DNAH17: variants seen among roughly 807,000 people sequenced by gnomAD.
DNAH17 encodes dynein axonemal heavy chain 17.
Under a neutral mutation model 485.6 loss-of-function variants are expected in DNAH17, and 376 were observed. The ratio of observed to expected loss-of-function variants is 0.77; its 90% confidence interval spans 0.71 to 0.84. The LOEUF (loss-of-function observed/expected upper bound fraction) is 0.84. Ranked by LOEUF, DNAH17 falls within the 40% of genes least tolerant of loss-of-function variation. The pLI is 0.00. For missense variants in DNAH17, 6,370 were observed against 5,839.3 expected (o/e 1.09, Z -2.96); for synonymous variants, 3,031 against 2,405.9 (o/e 1.26, Z -7.60).
At chr17:78,564,598 CA>C (rs1167039628) in intron 11 of DNAH17, among the ~76,000 whole-genome samples, 1 of 152,096 alleles carries the variant, frequency 6.6e-6, no homozygotes, top group Non-Finnish European at 1.5e-5. Context: ...TGTTATCCTT[CA>C]GGGGCTCCAC....
At chr17:78,559,380 G>A (rs190743507) in intron 13 of DNAH17, among the ~76,000 whole-genome samples, 37 of 152,294 alleles carry the variant, frequency 2.4e-4, no homozygotes, top group Admixed American at 7.8e-4. Context: ...CTTGGCCAAT[G>A]GCAATTCTAC....
At chr17:78,482,061 C>T (rs1568125967) in intron 48 of DNAH17, among the ~76,000 whole-genome samples, 1 of 144,126 alleles carries the variant, frequency 6.9e-6, no homozygotes, top group Non-Finnish European at 1.5e-5. Context: ...TGTCACACTA[C>T]ACTAGTTACT....
chr17:78,429,382 G>A, intron 75 of DNAH17, 82 bp from the exon 76 acceptor site: 3 of 1,468,750 alleles, frequency 2.0e-6, no homozygotes, highest in Non-Finnish European at 2.8e-6. Context: ...AGGCAGGCAG[G>A]GCGTGGGAAC....
rs1050657423 is a variant in DNAH17, at chr17:78,466,934, G to C, written c.8779-118C>G. 6 of 1,123,740 alleles carry C rather than the reference G, an allele frequency of 5.3e-6. No individual in the cohort carries two copies. The African/African-American group carries it at 8.1e-5, about 15-fold the overall frequency. 69.6% of individuals were successfully genotyped at this position (1,123,740 alleles called of 1,614,324 possible). A position where few individuals can be genotyped will look rare whatever the true frequency, so the allele number is the denominator to read the frequency against. On this transcript the variant is annotated intron_variant, in intron 55 of 80. Coordinates refer to ENST00000389840, the MANE Select transcript of DNAH17 (RefSeq NM_173628.4). ...GCGCCCTGCCGGGCTCAGCCGCCCA[G>C]GGCCTGGGCAGCACAGTCCTGGTTC...
chr17:78,528,068 C>T lies in DNAH17; in HGVS notation c.3508-1072G>A, dbSNP rs116213872. Among the ~76,000 whole-genome samples, 977 of 152,088 alleles carry T rather than the reference C, an allele frequency of 6.4e-3. 10 individuals are homozygous for T. Among genetic ancestry groups the T allele is most frequent in the African/African-American group, 0.023 (937 of 41,456 alleles). ...TGCTGAAATTACAGGCATGAGCCACCACACCGGGCCATAAAATATTTTAAA... is the reference window on the plus strand; with the variant it reads ...TGCTGAAATTACAGGCATGAGCCACTACACCGGGCCATAAAATATTTTAAA... On this transcript the variant is annotated intron_variant, in intron 22 of 80. Transcript: ENST00000389840.
At chr17:78,567,273 T>TC (rs1479265678) in intron 9 of DNAH17, 107 bp from the exon 10 acceptor site, 1 of 1,209,838 alleles carries the variant, frequency 8.3e-7, no homozygotes, top group African/African-American at 1.5e-5. Context: ...GAGCAAAATG[T>TC]CCCCAGGAGA....
Position 78,560,681 on chromosome 17 carries a change from G to A in DNAH17, c.2031+59C>T, listed in dbSNP as rs2092133602. 4 of 1,480,240 alleles carry A rather than the reference G, an allele frequency of 2.7e-6. No homozygotes were observed. The Admixed American group carries it at 6.6e-5, about 24-fold the overall frequency. The allele number at this position is 1,480,240 out of a possible 1,614,324, so 91.7% of individuals were successfully genotyped here. ...ATAAATCCGTGCTGAGGGAACCTTG[G>A]CAGGCCCTCCCCCCGCTCCCAAGGA... is the stretch of plus-strand genomic sequence containing the variant. On this transcript the variant is annotated intron_variant, in intron 13 of 80. Coordinates refer to ENST00000389840, the MANE Select transcript of DNAH17 (RefSeq NM_173628.4).
intron 13 of DNAH17, 150 bp from the exon 14 acceptor site, chr17:78,558,404 C>T (rs528808511): frequency 2.0e-6 from 2 of 988,450 alleles, no homozygotes; most frequent in Non-Finnish European, 1.5e-6. Flanking sequence ...TTGGCAGGAC[C>T]AGGACGTTTT....
rs775863298 is a variant in DNAH17 at position 78,486,480 on chromosome 17, C to T, written c.6845G>A (p.Arg2282His). ...NPVVSSWIER[R>H]KVQSEKANLM... Reference sequence around the variant, plus strand: ...GTTGGCCTTCTCCGACTGCACCTTGCGCCTCTCGATCCAGCTGCTCACCAC... The same window carrying T: ...GTTGGCCTTCTCCGACTGCACCTTGTGCCTCTCGATCCAGCTGCTCACCAC... The change falls in exon 45 of 81, where the codon CGC (arginine) becomes CAC (histidine). Residue 2282 changes from arginine to histidine, a missense_variant. Physicochemically the swap from Arg to His is conservative, Grantham distance 29. Transcript: ENST00000389840. 24 of 1,610,968 alleles carry T rather than the reference C, an allele frequency of 1.5e-5. No individual in the cohort carries two copies. Among genetic ancestry groups the T allele is most frequent in the Admixed American group, 5.0e-5 (3 of 59,926 alleles).
Position 78,485,662 on chromosome 17 carries a change from C to G in DNAH17, c.7371G>C (p.Ala2457=), listed in dbSNP as rs368302362. 4.3e-6 allele frequency: 7 copies of G among 1,613,874 alleles called. No homozygotes were observed. The African/African-American group carries it at 5.3e-5, about 12-fold the overall frequency. The part of the protein sequence containing the change: ...KSWPVMLVGN[A]GTGKSVLMGD... The stretch of plus-strand genomic sequence containing the variant: ...CCATCAGCACCGACTTGCCCGTCCC[C>G]GCGTTCCCCACCAGCATCACCGGCC... The change falls in exon 47 of 81, where the codon GCG becomes GCC. Residue 2457 remains alanine, a synonymous_variant. Transcript: ENST00000389840.
In DNAH17 at chr17:78,499,005, T is replaced by C. The variant is rs778367610; in HGVS notation, c.5745+3A>G. 17 of 1,605,496 alleles carry C rather than the reference T, an allele frequency of 1.1e-5. No individual in the cohort carries two copies. Among genetic ancestry groups the C allele is most frequent in the Non-Finnish European group, 1.4e-5 (16 of 1,176,142 alleles). On this transcript the variant is annotated splice_donor_region_variant and intron_variant, in intron 37 of 80. Coordinates refer to ENST00000389840, the MANE Select transcript of DNAH17 (RefSeq NM_173628.4). ...CCCCGAGGCCGCAGGCAGGGGACTT[T>C]ACCTGCACGGCAATCACAGACAAGA...
intron 38 of DNAH17, 134 bp from the exon 39 acceptor site, chr17:78,495,231 C>G (rs2090026175): frequency 8.3e-7 from 1 of 1,200,172 alleles, no homozygotes; most frequent in Non-Finnish European, 1.1e-6. Flanking sequence ...ACCTTCGGTC[C>G]TGGAGCCGGG....
rs777610892 is a variant in DNAH17, at chr17:78,529,473, T to TG, written c.3505dup (p.Gln1169ProfsTer45). ...CAGCCACACCCACCCACCACGTACC[T>TG]GCAGCTTCAAGTGGATCTCCTCTGG... On this transcript the variant is annotated frameshift_variant and splice_region_variant, in exon 22 of 81. Transcript: ENST00000389840. LOFTEE classifies it high-confidence loss of function. 69 of 1,613,702 alleles carry TG rather than the reference T, an allele frequency of 4.3e-5. No individual in the cohort carries two copies. The highest frequency in any genetic ancestry group is 5.8e-5 in the Non-Finnish European group (68 of 1,179,792).
In DNAH17 at chr17:78,459,834, C is replaced by T; in HGVS notation, c.9603G>A (p.Leu3201=). ...GGATGTGCTCCTTGTCGAACTTCTT[C>T]AGGGAGTCTAGGAAGGTGTCCACCT... ...MGKVDTFLDS[L]KKFDKEHIPE... The change falls in exon 60 of 81, where the codon CTG becomes CTA. Residue 3201 remains leucine (L), a synonymous_variant. Coordinates refer to ENST00000389840, the MANE Select transcript of DNAH17 (RefSeq NM_173628.4). 2 of 1,614,026 alleles carry T rather than the reference C, an allele frequency of 1.2e-6. No homozygotes were observed. The highest frequency in any genetic ancestry group is 1.1e-5 in the South Asian group (1 of 91,084).
At position 78,566,665 on chromosome 17, in the gene DNAH17, C is replaced by T. The variant is rs761793175; in HGVS notation, c.1518G>A (p.Thr506=). Residue 506 remains threonine (T), a synonymous_variant, in exon 11 of 81, where the codon ACG becomes ACA. Coordinates refer to ENST00000389840, the MANE Select transcript of DNAH17 (RefSeq NM_173628.4). Reference sequence around the variant, plus strand: ...AGTCATCAAATCCTTGGCAAAAGATCGTGGCCAGCCTCCTATCCAGGTCTT... The same window carrying T: ...AGTCATCAAATCCTTGGCAAAAGATTGTGGCCAGCCTCCTATCCAGGTCTT... The part of the protein sequence containing the change: ...KIQDLDRRLA[T]IFCQGFDDCS... 1.1e-5 allele frequency: 17 copies of T among 1,610,912 alleles called. No individual in the cohort carries two copies. Among genetic ancestry groups the T allele is most frequent in the Admixed American group, 1.7e-5 (1 of 59,600 alleles).
chr17:78,560,903 T>C lies in DNAH17; in HGVS notation c.1868A>G (p.Tyr623Cys), dbSNP rs575280255. 15 of 1,550,944 alleles carry C rather than the reference T, an allele frequency of 9.7e-6. No homozygotes were observed. In the South Asian group the frequency reaches 1.4e-4, roughly 15 times the overall value. The change falls in exon 13 of 81, where the codon TAT becomes TGT. Residue 623 changes from tyrosine (Y) to cysteine (C), a missense_variant. Coordinates refer to ENST00000389840, the MANE Select transcript of DNAH17 (RefSeq NM_173628.4). Reference sequence around the variant, plus strand: ...CTCCATCATCTCGTCATACTTCTGATAGGTCAGCTTGGCCTCTGCTCCAGA... The same window carrying C: ...CTCCATCATCTCGTCATACTTCTGACAGGTCAGCTTGGCCTCTGCTCCAGA... Reference protein sequence around the residue: ...VMSGAEAKLTYQKYDEMMELL... With the variant: ...VMSGAEAKLTCQKYDEMMELL...
intron 19 of DNAH17, among the ~76,000 whole-genome samples, chr17:78,534,340 A>T (rs979583559): frequency 6.6e-6 from 1 of 152,064 alleles, no homozygotes; most frequent in Non-Finnish European, 1.5e-5. Context: ...GTAATTGAGG[A>T]GGTGAAGTCA....
At chr17:78,443,531 G>A (rs1236740656) in intron 71 of DNAH17, among the ~76,000 whole-genome samples, 2 of 140,242 alleles carry the variant, frequency 1.4e-5, no homozygotes, top group South Asian at 2.4e-4. Context: ...CCTCTGCTTT[G>A]TCAGAAGGGA....
At chr17:78,528,552 C>T (rs2091139006) in intron 22 of DNAH17, among the ~76,000 whole-genome samples, 1 of 152,080 alleles carries the variant, frequency 6.6e-6, no homozygotes, top group Admixed American at 6.5e-5. Flanking sequence ...GAGGGTGGGC[C>T]CTGTCTGTGG....
Sources: allele counts gnomAD v4.1 joint callset (sites outside exome capture counted in the v4.1 genomes callset), GRCh38; gene constraint gnomAD v4.1.1; transcripts MANE v1.5; gene names NCBI Gene and HGNC (gene_info 2026-07-23, HGNC 2026-07-21).